UNC13B: variants seen among roughly 807,000 people sequenced by gnomAD.
UNC13B encodes protein unc-13 homolog B.
In UNC13B, 144 loss-of-function variants were observed where a neutral mutation model predicts 211.0. The observed-to-expected ratio is 0.68, with a 90% CI of 0.60 to 0.78. UNC13B has a LOEUF of 0.78. Ranked by LOEUF, UNC13B falls within the 30% of genes least tolerant of loss-of-function variation. The pLI, the probability that UNC13B is intolerant of heterozygous loss-of-function variation, is 0.00. For synonymous variants in UNC13B, 709 were observed against 725.8 expected (o/e 0.98, Z 0.37); for missense variants, 1,777 against 2,002.0 (o/e 0.89, Z 2.14).
intron 1 of UNC13B, among the ~76,000 whole-genome samples, chr9:35,170,019 A>C (rs906265269): frequency 6.6e-6 from 1 of 152,222 alleles, no homozygotes; most frequent in African/African-American, 2.4e-5. Context: ...TCTGTTATAC[A>C]GTGTTCTTAT....
chr9:35,210,908 GTTTGTTT>G (rs1823931825), intron 1 of UNC13B, among the ~76,000 whole-genome samples: 1 of 152,022 alleles, frequency 6.6e-6, no homozygotes, highest in Non-Finnish European at 1.5e-5. Flanking sequence ...TTGTATTTTT[GTTTGTTT>G]TAAAGAGATG....
intron 1 of UNC13B, among the ~76,000 whole-genome samples, chr9:35,201,744 TGC>T: frequency 6.6e-6 from 1 of 152,214 alleles, no homozygotes; most frequent in Non-Finnish European, 1.5e-5. Flanking sequence ...TTATTAGTCT[TGC>T]TAGCGGTCTA....
intron 17 of UNC13B, among the ~76,000 whole-genome samples, chr9:35,379,618 C>T (rs771708855): frequency 7.9e-5 from 12 of 152,050 alleles, no homozygotes; most frequent in Non-Finnish European, 1.5e-4. Flanking sequence ...CATTTTTGCC[C>T]ACTTTTAGTA....
At position 35,301,728 on chromosome 9, in the gene UNC13B, C is replaced by T. The variant is rs556948459; in HGVS notation, c.2324C>T (p.Pro775Leu). ...CAAAAAATATGTGCCAAAGATACTCCAGGACATCCTTGTATAGCTGGCAGT... is the reference window on the plus strand; with the variant it reads ...CAAAAAATATGTGCCAAAGATACTCTAGGACATCCTTGTATAGCTGGCAGT... ...DQQKICAKDTPGHPCIAGSRT... is the reference protein window; with the variant it reads ...DQQKICAKDTLGHPCIAGSRT... The change falls in exon 9 of 40, where the codon CCA becomes CTA. Residue 775 changes from proline to leucine, a missense_variant. Transcript: ENST00000635942. 2.5e-5 allele frequency: 10 copies of T among 398,816 alleles called. No homozygotes were observed. Among genetic ancestry groups the T allele is most frequent in the African/African-American group, 1.8e-4 (9 of 48,716 alleles). 24.7% of individuals were successfully genotyped at this position (398,816 alleles called of 1,614,324 possible). A position where few individuals can be genotyped will look rare whatever the true frequency, so the allele number is the denominator to read the frequency against.
At chr9:35,273,820 A>G (rs142931059) in intron 7 of UNC13B, among the ~76,000 whole-genome samples, 44 of 152,366 alleles carry the variant, frequency 2.9e-4, no homozygotes, top group African/African-American at 9.6e-4. Context: ...CCGCCTCTCA[A>G]TGGAGGCTAG....
chr9:35,201,444 A>G (rs888021732), intron 1 of UNC13B, among the ~76,000 whole-genome samples: 5 of 152,228 alleles, frequency 3.3e-5, no homozygotes, highest in African/African-American at 7.2e-5. Context: ...GGTAGAATTC[A>G]GCTGTGAATC....
intron 29 of UNC13B, 87 bp downstream of exon 29, chr9:35,397,397 G>A (rs988229146): frequency 1.1e-5 from 17 of 1,563,660 alleles, no homozygotes; most frequent in Non-Finnish European, 1.5e-5. Context: ...CCTCTCCACT[G>A]TGGCCTCCTG....
At chr9:35,317,093 C>A (rs563851718) in intron 11 of UNC13B, among the ~76,000 whole-genome samples, 2 of 151,940 alleles carry the variant, frequency 1.3e-5, no homozygotes, top group African/African-American at 4.8e-5. Flanking sequence ...AATGAATAAG[C>A]GTACATATGT....
intron 20 of UNC13B, 80 bp from the exon 21 acceptor site, chr9:35,382,277 C>G: frequency 2.0e-6 from 3 of 1,532,970 alleles, no homozygotes; most frequent in Non-Finnish European, 8.8e-7. Flanking sequence ...TCATTTATCC[C>G]ATAAACTTTT....
chr9:35,238,036 G>C (rs1029043167), intron 5 of UNC13B, among the ~76,000 whole-genome samples: 1 of 152,022 alleles, frequency 6.6e-6, no homozygotes, highest in African/African-American at 2.4e-5. Flanking sequence ...ACACTAAAAA[G>C]CATTCTCTTC....
chr9:35,352,735 A>G, intron 11 of UNC13B: 1 of 1,232,162 alleles, frequency 8.1e-7, no homozygotes, highest in Non-Finnish European at 1.0e-6. Context: ...GAACATCTCA[A>G]GTTATCAGTG....
chr9:35,241,348 G>A (rs1451875073), intron 5 of UNC13B, among the ~76,000 whole-genome samples: 1 of 152,048 alleles, frequency 6.6e-6, no homozygotes, highest in Non-Finnish European at 1.5e-5. Context: ...AGTTTGTACT[G>A]TTATAAATAG....
At chr9:35,291,420 T>C (rs1305999277) in intron 7 of UNC13B, among the ~76,000 whole-genome samples, 3 of 152,160 alleles carry the variant, frequency 2.0e-5, no homozygotes, top group African/African-American at 7.2e-5. Flanking sequence ...TCTCCTTTGG[T>C]CCCTTTGGCT....
At chr9:35,248,310 T>C (rs1415084707) in intron 6 of UNC13B, among the ~76,000 whole-genome samples, 1 of 152,208 alleles carries the variant, frequency 6.6e-6, no homozygotes, top group African/African-American at 2.4e-5. Flanking sequence ...AACCAGCTCC[T>C]GGATTCATTG....
At chr9:35,281,666 T>G (rs138602275) in intron 7 of UNC13B, among the ~76,000 whole-genome samples, 4 of 152,314 alleles carry the variant, frequency 2.6e-5, no homozygotes, top group Non-Finnish European at 5.9e-5. Flanking sequence ...TTCTATGGAT[T>G]TTGACAAATG....
At position 35,226,175 on chromosome 9, in the gene UNC13B, G is replaced by T. The variant is rs140898018; in HGVS notation, c.23-1840G>T. The stretch of plus-strand genomic sequence containing the variant: ...ACAGTTTCACAGGCCCTGCTGCACT[G>T]CACTGAGTCTAGAAACTAAGGTGAT... On this transcript the variant is annotated intron_variant, in intron 1 of 39. Coordinates refer to ENST00000635942, the MANE Select transcript of UNC13B (RefSeq NM_001371189.2). 1.9e-4 allele frequency among the ~76,000 whole-genome samples: 29 copies of T among 152,276 alleles called. No individual in the cohort carries two copies. In the East Asian group the frequency reaches 5.6e-3, roughly 29 times the overall value.
At chr9:35,219,804 T>G (rs758009300) in intron 1 of UNC13B, among the ~76,000 whole-genome samples, 2 of 152,178 alleles carry the variant, frequency 1.3e-5, no homozygotes, top group Non-Finnish European at 2.9e-5. Flanking sequence ...TTTTCTTTAC[T>G]GTCTCAATCT....
chr9:35,375,929 G>A (rs578002423), intron 14 of UNC13B, 99 bp from the exon 15 acceptor site: 14 of 1,239,010 alleles, frequency 1.1e-5, no homozygotes, highest in African/African-American at 3.0e-5. Flanking sequence ...GCAATGAGCC[G>A]AGATCATACC....
At chr9:35,176,545 C>G (rs1436329451) in intron 1 of UNC13B, among the ~76,000 whole-genome samples, 1 of 152,068 alleles carries the variant, frequency 6.6e-6, no homozygotes, top group Non-Finnish European at 1.5e-5. Flanking sequence ...AAGAGTTTGT[C>G]TCAAACAAAC....
Sources: allele counts gnomAD v4.1 joint callset (sites outside exome capture counted in the v4.1 genomes callset), GRCh38; gene constraint gnomAD v4.1.1; transcripts MANE v1.5; gene names NCBI Gene and HGNC (gene_info 2026-07-23, HGNC 2026-07-21).